Variants in SLFN12 observed in about 807,000 individuals in gnomAD.
SLFN12 encodes the protein schlafen family member 12.
A neutral mutation model predicts 29.1 loss-of-function variants in SLFN12; 25 were observed. The ratio of observed to expected loss-of-function variants is 0.86; its 90% CI spans 0.63 to 1.20. SLFN12 has a LOEUF of 1.20. Ranked by LOEUF, SLFN12 falls within the 50% of genes most tolerant of loss-of-function variation. The pLI is 0.00. For missense variants in SLFN12, 660 were observed against 666.2 expected, an observed-to-expected ratio of 0.99 and a Z score of 0.10; for synonymous variants, 257 against 238.7, an observed-to-expected ratio of 1.08 and a Z score of -0.71.
At position 35,420,338 on chromosome 17, in the gene SLFN12, C is replaced by A. The variant is rs573971221; in HGVS notation, c.1083G>T (p.Thr361=). ...GCCAACTGTGGGGAGCAGGTAATGA[C>A]GTATTTATTTGAGAGATCACCTCTT... ...SYEEVISQIN[T]SLPAPHSWPL... The change falls in exon 3 of 4, where the codon ACG becomes ACT. Residue 361 remains threonine (T), a synonymous_variant. Coordinates refer to ENST00000304905, the MANE Select transcript of SLFN12 (RefSeq NM_018042.5). The A allele has an allele frequency of 4.3e-6, 7 of 1,613,668 alleles. No homozygotes were observed. Among genetic ancestry groups the A allele is most frequent in the Non-Finnish European group, 5.9e-6 (7 of 1,179,836 alleles).
chr17:35,429,858 G>A (rs1212770758), intron 1 of SLFN12, among the ~76,000 whole-genome samples: 2 of 151,984 alleles, frequency 1.3e-5, no homozygotes, highest in Admixed American at 6.6e-5. Context: ...CAGTTCATCA[G>A]TGCCTGGTCG....
Position 35,411,432 on chromosome 17 carries a change from A to C in SLFN12, c.1643T>G (p.Phe548Cys). ...LKRLKSLRDQ[F>C]SFAENLYQII... ...CTGGTATAGATTTTCTGCAAAGGAAAACTGGTCTCTCAGAGACTTGAGTCT... is the reference window on the plus strand; with the variant it reads ...CTGGTATAGATTTTCTGCAAAGGAACACTGGTCTCTCAGAGACTTGAGTCT... Residue 548 changes from phenylalanine to cysteine, a missense_variant, in exon 4 of 4, where the codon TTT (phenylalanine) becomes TGT (cysteine). Coordinates refer to ENST00000304905, the MANE Select transcript of SLFN12 (RefSeq NM_018042.5). 6.2e-7 allele frequency: 1 copy of C among 1,612,406 alleles called. No homozygotes were observed. The highest frequency in any genetic ancestry group is 8.5e-7 in the Non-Finnish European group (1 of 1,179,478).
intron 3 of SLFN12, among the ~76,000 whole-genome samples, chr17:35,417,534 G>A (rs562723015): frequency 6.6e-6 from 1 of 152,004 alleles, no homozygotes; most frequent in South Asian, 2.1e-4. Context: ...GCCATGTTGG[G>A]CAAACCTCAA....
chr17:35,415,452 A>G (rs1438042973), intron 3 of SLFN12, among the ~76,000 whole-genome samples: 5 of 152,126 alleles, frequency 3.3e-5, no homozygotes, highest in African/African-American at 1.2e-4. Flanking sequence ...ACGTTGGCTT[A>G]GGCAAAGAGT....
chr17:35,423,017 A>G lies in SLFN12; in HGVS notation c.12T>C (p.Ser4=). The G allele has an allele frequency of 6.2e-7, 1 of 1,609,336 alleles. No homozygotes were observed. Among genetic ancestry groups the G allele is most frequent in the Non-Finnish European group, 8.5e-7 (1 of 1,177,632 alleles). The stretch of plus-strand genomic sequence containing the variant: ...CGGCATAATTCGTTTCCAAATCAAC[A>G]CTGATGTTCATTTTCCCAGCAGCTA... MNI[S]VDLETNYAEL... The change falls in exon 2 of 4, where the codon AGT becomes AGC. Residue 4 remains serine (S), a synonymous_variant. Transcript: ENST00000304905.
Position 35,422,153 on chromosome 17 carries a change from T to G in SLFN12, c.876A>C (p.Val292=). ...KINYSCKFLG[V]YDKGSLCGYV... ...ATCCACAAAGACTTCCTTTATCATA[T>G]ACTCCAAGGAATTTGCATGAATAAT... Residue 292 remains valine (V), a synonymous_variant, in exon 2 of 4, where the codon GTA becomes GTC. Transcript: ENST00000304905. 6.2e-7 allele frequency: 1 copy of G among 1,614,134 alleles called. No individual in the cohort carries two copies. The highest frequency in any genetic ancestry group is 8.5e-7 in the Non-Finnish European group (1 of 1,179,990).
rs1022097805 is a variant in SLFN12, at chr17:35,432,336, A to C, written c.-189T>G. 6.6e-6 allele frequency: 1 copy of C among 152,278 alleles called. No homozygotes were observed. The highest frequency in any genetic ancestry group is 6.5e-5 in the Admixed American group (1 of 15,276). The allele number at this position is 152,278 out of a possible 1,614,324, so 9.4% of individuals were successfully genotyped here. ...TTTATTGAAAACGAAAGTGCACTCCACAGGGTGGGAGCAGGCCCGAGGATA... is the reference window on the plus strand; with the variant it reads ...TTTATTGAAAACGAAAGTGCACTCCCCAGGGTGGGAGCAGGCCCGAGGATA... On this transcript the variant is annotated 5_prime_UTR_variant, in exon 1 of 4. Coordinates refer to ENST00000304905, the MANE Select transcript of SLFN12 (RefSeq NM_018042.5).
Position 35,422,608 on chromosome 17 carries a change from C to T in SLFN12, c.421G>A (p.Ala141Thr), listed in dbSNP as rs761694968. The T allele has an allele frequency of 5.0e-6, 8 of 1,613,974 alleles. No homozygotes were observed. Among genetic ancestry groups the T allele is most frequent in the Non-Finnish European group, 5.1e-6 (6 of 1,179,986 alleles). ...ATGTCTTTGAGGAACTCCAGTGCAGCAGTGGCATTCATGACTTTTGCAGAT... is the reference window on the plus strand; with the variant it reads ...ATGTCTTTGAGGAACTCCAGTGCAGTAGTGGCATTCATGACTTTTGCAGAT... ...ITSAKVMNAT[A>T]ALEFLKDMKK... The change falls in exon 2 of 4, where the codon GCT (alanine) becomes ACT (threonine). Residue 141 changes from alanine (A) to threonine (T), a missense_variant. By Grantham distance (58) the Ala-to-Thr change is moderately conservative. Coordinates refer to ENST00000304905, the MANE Select transcript of SLFN12 (RefSeq NM_018042.5).
At chr17:35,424,629 T>C (rs1911896080) in intron 1 of SLFN12, among the ~76,000 whole-genome samples, 1 of 152,202 alleles carries the variant, frequency 6.6e-6, no homozygotes, top group South Asian at 2.1e-4. Context: ...AGAATATTCC[T>C]GTCCACAGCT....
intron 1 of SLFN12, among the ~76,000 whole-genome samples, chr17:35,426,932 A>G (rs557251249): frequency 1.3e-5 from 2 of 152,232 alleles, no homozygotes; most frequent in African/African-American, 4.8e-5. Flanking sequence ...TGGTTATTCT[A>G]TGTCTCTAGC....
At chr17:35,430,833 G>A (rs1183989679) in intron 1 of SLFN12, among the ~76,000 whole-genome samples, 1 of 152,132 alleles carries the variant, frequency 6.6e-6, no homozygotes, top group Non-Finnish European at 1.5e-5. Flanking sequence ...TTCATTTAAT[G>A]TATTTCTCCA....
Position 35,422,906 on chromosome 17 carries a change from A to G in SLFN12, c.123T>C (p.Asn41=). The change falls in exon 2 of 4, where the codon AAT becomes AAC. Residue 41 remains asparagine, a synonymous_variant. Transcript: ENST00000304905. ...MKDCKLRKKQ[N]ESVSRAMCAL... ...CACACATAGCTCGTGAGACACTTTC[A>G]TTCTGCTTTTTTCTCAGTTTACAAT... is the stretch of plus-strand genomic sequence containing the variant. 2 of 1,613,888 alleles carry G rather than the reference A, an allele frequency of 1.2e-6. No individual in the cohort carries two copies. Among genetic ancestry groups the G allele is most frequent in the Non-Finnish European group, 1.7e-6 (2 of 1,179,962 alleles).
rs58492425 is a variant in SLFN12 at position 35,425,838 on chromosome 17, C to CTTTTTTTTTTTTTTTTTTTTTTTTTTTT, written c.-40-2771_-40-2770insAAAAAAAAAAAAAAAAAAAAAAAAAAAA. On this transcript the variant is annotated intron_variant, in intron 1 of 3. Coordinates refer to ENST00000304905, the MANE Select transcript of SLFN12 (RefSeq NM_018042.5). ...GGTTCTTTTTCTTTTCTTTTCTTTTCTTTTTTTTTTTTTTTTTTTTTTTTT... is the reference window on the plus strand; with the variant it reads ...GGTTCTTTTTCTTTTCTTTTCTTTTCTTTTTTTTTTTTTTTTTTTTTTTTTTTTTTTTTTTTTTTTTTTTTTTTTTTTT... Among the ~76,000 whole-genome samples, 5 of 39,158 alleles carry CTTTTTTTTTTTTTTTTTTTTTTTTTTTT rather than the reference C, an allele frequency of 1.3e-4. 1 individual carries two copies. Among genetic ancestry groups the CTTTTTTTTTTTTTTTTTTTTTTTTTTTT allele is most frequent in the African/African-American group, 4.5e-4 (4 of 8,958 alleles). 25.7% of individuals were successfully genotyped at this position (39,158 alleles called of 152,430 possible). A position where few individuals can be genotyped will look rare whatever the true frequency, so the allele number is the denominator to read the frequency against.
intron 2 of SLFN12, among the ~76,000 whole-genome samples, chr17:35,421,209 A>AAAATAAAT (rs71152711): frequency 0.011 from 1,565 of 140,284 alleles, 14 homozygotes; most frequent in South Asian, 0.017. Context: ...ACTCCGTCTC[A>AAAATAAAT]AAATAAATAA....
Position 35,422,730 on chromosome 17 carries a change from C to A in SLFN12, c.299G>T (p.Gly100Val), listed in dbSNP as rs1161932277. The A allele has an allele frequency of 4.5e-5, 73 of 1,613,876 alleles. No individual in the cohort carries two copies. Among genetic ancestry groups the A allele is most frequent in the Non-Finnish European group, 6.2e-5 (73 of 1,179,952 alleles). ...VPEYLDFMQNGNYFLIFVKSW... is the reference protein window; with the variant it reads ...VPEYLDFMQNVNYFLIFVKSW... ...CTTCACAAAAATCAGAAAGTAGTTA[C>A]CATTCTGCATGAAGTCTAAGTACTC... The change falls in exon 2 of 4, where the codon GGT becomes GTT. Residue 100 changes from glycine to valine, a missense_variant. Physicochemically the swap from Gly to Val is moderately radical, Grantham distance 109. Coordinates refer to ENST00000304905, the MANE Select transcript of SLFN12 (RefSeq NM_018042.5).
intron 3 of SLFN12, 90 bp from the exon 4 acceptor site, chr17:35,412,017 C>T (rs1033069424): frequency 1.0e-6 from 1 of 966,970 alleles, no homozygotes; most frequent in East Asian, 2.6e-5. Context: ...AACCAATCTT[C>T]CCATCAAAAA....
chr17:35,419,510 T>A (rs948738497), intron 3 of SLFN12, among the ~76,000 whole-genome samples: 1 of 152,044 alleles, frequency 6.6e-6, no homozygotes, highest in Non-Finnish European at 1.5e-5. Flanking sequence ...CCAGTAAGTA[T>A]ATGGAGAGAT....
chr17:35,422,019 C>T lies in SLFN12; in HGVS notation c.1010G>A (p.Trp337Ter). The change falls in exon 2 of 4, where the codon TGG becomes TAG. Residue 337 changes from tryptophan to a stop codon, truncating the protein, a stop_gained. Transcript: ENST00000304905. LOFTEE classifies it high-confidence loss of function. ...NRVMQLTRKE[W>*]IQFMVEAEPK... ...TTCAGCCTCCACCATGAACTGGATC[C>T]ATTCCTTCCTGGTCAACTGCATCAC... 6.2e-7 allele frequency: 1 copy of T among 1,614,026 alleles called. No individual in the cohort carries two copies. The highest frequency in any genetic ancestry group is 8.5e-7 in the Non-Finnish European group (1 of 1,179,962).
intron 3 of SLFN12, among the ~76,000 whole-genome samples, chr17:35,416,730 A>G (rs1227988152): frequency 6.6e-6 from 1 of 152,124 alleles, no homozygotes; most frequent in African/African-American, 2.4e-5. Flanking sequence ...ACCGAAGGAA[A>G]CAGAAAGAGT....
Sources: allele counts gnomAD v4.1 joint callset (sites outside exome capture counted in the v4.1 genomes callset), GRCh38; gene constraint gnomAD v4.1.1; transcripts MANE v1.5; gene names NCBI Gene and HGNC (gene_info 2026-07-23, HGNC 2026-07-21).